CELSR1: variants seen among roughly 807,000 people sequenced by gnomAD.
CELSR1 encodes cadherin EGF LAG seven-pass G-type receptor 1.
In CELSR1, 110 loss-of-function variants were observed where a neutral mutation model predicts 249.1. That is an observed-to-expected ratio of 0.44 (90% CI 0.38 to 0.52). The LOEUF is 0.52. Among genes scored for constraint, CELSR1 ranks in the 20% least tolerant of loss-of-function variants. The pLI is 0.00. For missense variants in CELSR1, 4,109 were observed against 4,296.4 expected (o/e 0.96, Z 1.22); for synonymous variants, 2,113 against 1,900.0 (o/e 1.11, Z -2.92).
intron 5 of CELSR1, among the ~76,000 whole-genome samples, chr22:46,420,898 C>A (rs2079463483): frequency 6.6e-6 from 1 of 152,066 alleles, no homozygotes; most frequent in Admixed American, 6.5e-5. Context: ...ATGGAAGCGC[C>A]TGGATAAGAC....
intron 1 of CELSR1, among the ~76,000 whole-genome samples, chr22:46,525,829 C>A (rs1430869158): frequency 1.3e-5 from 2 of 152,248 alleles, no homozygotes; most frequent in Admixed American, 1.3e-4. Flanking sequence ...CAGGCACAGG[C>A]ACCAGCCCAA....
Position 46,512,368 on chromosome 22 carries a change from C to T in CELSR1, c.3544+21259G>A, listed in dbSNP as rs1335278224. ...GGCGGATCACATGAGGTCAGGAGAT[C>T]GAGACCATCCTGGCCAATATGGTGA... On this transcript the variant is annotated intron_variant, in intron 1 of 34. Transcript: ENST00000674500. The surrounding 1 kb of genome is among the most constrained non-coding windows in gnomAD (Gnocchi z 5.2). Among the ~76,000 whole-genome samples the T allele has an allele frequency of 6.6e-6, 1 of 152,148 alleles. No homozygotes were observed. Among genetic ancestry groups the T allele is most frequent in the Non-Finnish European group, 1.5e-5 (1 of 68,020 alleles).
intron 1 of CELSR1, among the ~76,000 whole-genome samples, chr22:46,482,444 T>G (rs1475306538): frequency 6.6e-6 from 1 of 152,122 alleles, no homozygotes; most frequent in Non-Finnish European, 1.5e-5. Flanking sequence ...CAAAGACCTG[T>G]GTAGCTCTTG....
intron 1 of CELSR1, among the ~76,000 whole-genome samples, chr22:46,508,793 TGCC>T (rs369145477): frequency 4.5e-4 from 68 of 152,354 alleles, no homozygotes; most frequent in African/African-American, 1.6e-3. Flanking sequence ...GAGACACGCC[TGCC>T]GCGTGAGAAT....
chr22:46,480,947 A>G (rs2080259755), intron 1 of CELSR1, among the ~76,000 whole-genome samples: 1 of 152,228 alleles, frequency 6.6e-6, no homozygotes, highest in East Asian at 1.9e-4. Context: ...TTAAAAGACT[A>G]AAATTCCGGC....
intron 5 of CELSR1, among the ~76,000 whole-genome samples, chr22:46,420,562 C>T (rs552851759): frequency 6.6e-6 from 1 of 152,218 alleles, no homozygotes; most frequent in Non-Finnish European, 1.5e-5. Context: ...CTAGCACACA[C>T]TTGTGTGCAC....
rs1433635909 is a variant in CELSR1 at position 46,473,034 on chromosome 22, G to A, written c.3545-8689C>T. 1.3e-5 allele frequency among the ~76,000 whole-genome samples: 2 copies of A among 152,170 alleles called. No homozygotes were observed. The highest frequency in any genetic ancestry group is 2.9e-5 in the Non-Finnish European group (2 of 68,036). The stretch of plus-strand genomic sequence containing the variant: ...TTTTGGGGGGACGTTAGTCAACCCC[G>A]GGAATGCAGAGTAGCGGAGAGACAC... On this transcript the variant is annotated intron_variant, in intron 1 of 34. Coordinates refer to ENST00000674500, the MANE Select transcript of CELSR1 (RefSeq NM_001378328.1). This position sits in a 1 kb window ranked among gnomAD's most constrained non-coding sequence, Gnocchi z 6.6.
intron 5 of CELSR1, among the ~76,000 whole-genome samples, chr22:46,431,368 T>C (rs2079593743): frequency 6.6e-6 from 1 of 152,348 alleles, no homozygotes; most frequent in Middle Eastern, 3.4e-3. Context: ...CATAGGCAGA[T>C]GATGATTCTG....
At chr22:46,394,050 CAG>C (rs2147264321) in intron 14 of CELSR1, 90 bp downstream of exon 14, 2 of 1,500,898 alleles carry the variant, frequency 1.3e-6, no homozygotes, top group Non-Finnish European at 1.8e-6. Flanking sequence ...TGTGTACCGA[CAG>C]GGTATGTGAA....
rs1173822781 is a variant in CELSR1, at chr22:46,454,240, C to T, written c.4183+9467G>A. 2.6e-5 allele frequency among the ~76,000 whole-genome samples: 4 copies of T among 152,286 alleles called. No homozygotes were observed. Among genetic ancestry groups the T allele is most frequent in the South Asian group, 2.1e-4 (1 of 4,822 alleles). ...TCCCCAGGGCCTCCCGGAGCAGCCCCGCCCACGCCCCTGAATGCAGGGCTC... is the reference window on the plus strand; with the variant it reads ...TCCCCAGGGCCTCCCGGAGCAGCCCTGCCCACGCCCCTGAATGCAGGGCTC... On this transcript the variant is annotated intron_variant, in intron 2 of 34. Coordinates refer to ENST00000674500, the MANE Select transcript of CELSR1 (RefSeq NM_001378328.1). The surrounding 1 kb of genome is among the most constrained non-coding windows in gnomAD (Gnocchi z 5.1).
rs146242292 is a variant in CELSR1, at chr22:46,465,192, G to A, written c.3545-847C>T. On this transcript the variant is annotated intron_variant, in intron 1 of 34. Transcript: ENST00000674500. Reference sequence around the variant, plus strand: ...ACGGAGCAGCGGCCCCTGCCCAGGGGCCCTCACCTGCCACCTCCAGGCCCG... The same window carrying A: ...ACGGAGCAGCGGCCCCTGCCCAGGGACCCTCACCTGCCACCTCCAGGCCCG... Among the ~76,000 whole-genome samples, 581 of 152,152 alleles carry A rather than the reference G, an allele frequency of 3.8e-3. 9 individuals carry two copies. The highest frequency in any genetic ancestry group is 0.013 in the African/African-American group (553 of 41,504).
rs1464000524 is a variant in CELSR1 at position 46,454,294 on chromosome 22, C to T, written c.4183+9413G>A. ...CCCTCCAGAACAGTAAGAATGAATC[C>T]GTGCTGCGTTAAGCCCCTCGTGTGT... is the stretch of plus-strand genomic sequence containing the variant. On this transcript the variant is annotated intron_variant, in intron 2 of 34. Transcript: ENST00000674500. The surrounding 1 kb of genome is among the most constrained non-coding windows in gnomAD (Gnocchi z 5.1). Among the ~76,000 whole-genome samples the T allele has an allele frequency of 6.6e-6, 1 of 152,218 alleles. No homozygotes were observed.
At chr22:46,384,427 G>A (rs959446460) in intron 20 of CELSR1, 116 bp downstream of exon 20, 35 of 1,254,304 alleles carry the variant, frequency 2.8e-5, no homozygotes, top group African/African-American at 2.6e-4. Context: ...GAGAGCACTC[G>A]GAACACTCTG....
At chr22:46,389,887 G>A (rs1388336076) in intron 17 of CELSR1, among the ~76,000 whole-genome samples, 1 of 152,176 alleles carries the variant, frequency 6.6e-6, no homozygotes, top group Admixed American at 6.5e-5. Flanking sequence ...GGGAAGCAGA[G>A]GTTGCAGCAA....
intron 2 of CELSR1, among the ~76,000 whole-genome samples, chr22:46,460,332 G>T (rs573112500): frequency 6.6e-6 from 1 of 152,328 alleles, no homozygotes; most frequent in African/African-American, 2.4e-5. Context: ...AAGCTTCAAG[G>T]GAGGAAACCT....
At position 46,398,278 on chromosome 22, in the gene CELSR1, G is replaced by A. The variant is rs2079172856; in HGVS notation, c.5526+246C>T. On this transcript the variant is annotated intron_variant, in intron 11 of 34. Coordinates refer to ENST00000674500, the MANE Select transcript of CELSR1 (RefSeq NM_001378328.1). The surrounding 1 kb of genome is among the most constrained non-coding windows in gnomAD (Gnocchi z 7.2). The stretch of plus-strand genomic sequence containing the variant: ...TCAGGACACTTCACAAAGGCAGAGG[G>A]GCAGGTGGCTGGCATGGCGGTGGGG... Among the ~76,000 whole-genome samples the A allele has an allele frequency of 6.6e-6, 1 of 152,182 alleles. No individual in the cohort carries two copies. Among genetic ancestry groups the A allele is most frequent in the Admixed American group, 6.5e-5 (1 of 15,286 alleles).
At chr22:46,489,229 T>C (rs1473317761) in intron 1 of CELSR1, among the ~76,000 whole-genome samples, 3 of 151,870 alleles carry the variant, frequency 2.0e-5, no homozygotes, top group Admixed American at 6.6e-5. Context: ...TTCCTCGTCA[T>C]CACAATCAAA....
Position 46,482,167 on chromosome 22 carries a change from A to G in CELSR1, c.3545-17822T>C, listed in dbSNP as rs115050515. On this transcript the variant is annotated intron_variant, in intron 1 of 34. Coordinates refer to ENST00000674500, the MANE Select transcript of CELSR1 (RefSeq NM_001378328.1). ...AGAGCTGCATGTCTCAATCCCCAGA[A>G]GCTGTGACTGCGTTATGCCACATGG... 1.8e-3 allele frequency among the ~76,000 whole-genome samples: 275 copies of G among 152,344 alleles called. 5 individuals are homozygous for G. The highest frequency in any genetic ancestry group is 6.3e-3 in the African/African-American group (261 of 41,582).
chr22:46,530,661 C>CA (rs2080782359), intron 1 of CELSR1, among the ~76,000 whole-genome samples: 1 of 152,192 alleles, frequency 6.6e-6, no homozygotes, highest in African/African-American at 2.4e-5. Flanking sequence ...CTTCTGACTT[C>CA]AAAAAATTTT....
Sources: gnomAD v4.1 joint callset for allele counts (sites outside exome capture counted in the v4.1 genomes callset) on GRCh38, gnomAD v4.1.1 for gene constraint, Gnocchi (gnomAD v3.1) non-coding constraint, MANE v1.5 for transcripts, NCBI Gene and HGNC (gene_info 2026-07-23, HGNC 2026-07-21) for gene names.